BMP6: variants seen among roughly 807,000 people sequenced by gnomAD.
The protein encoded by BMP6 is bone morphogenetic protein 6.
A neutral mutation model predicts 54.1 loss-of-function variants in BMP6; 17 were observed. The observed-to-expected ratio is 0.31, with a 90% confidence interval of 0.22 to 0.47. BMP6 has a LOEUF of 0.47. Ranked by LOEUF, BMP6 falls within the 20% of genes least tolerant of loss-of-function variation. The pLI is 1.00. For missense variants in BMP6, 720 were observed against 690.4 expected, an observed-to-expected ratio of 1.04 and a Z score of -0.48; for synonymous variants, 328 against 291.2, an observed-to-expected ratio of 1.13 and a Z score of -1.28.
intron 1 of BMP6, among the ~76,000 whole-genome samples, chr6:7,798,645 C>G (rs1758225689): frequency 6.6e-6 from 1 of 152,202 alleles, no homozygotes; most frequent in African/African-American, 2.4e-5. Flanking sequence ...ATGTTCCTTC[C>G]ACACTCACTC....
At chr6:7,768,010 T>C (rs1450407174) in intron 1 of BMP6, among the ~76,000 whole-genome samples, 2 of 152,142 alleles carry the variant, frequency 1.3e-5, no homozygotes, top group Admixed American at 1.3e-4. Context: ...TCAGGTTTTT[T>C]TCTCCCCGCT....
intron 1 of BMP6, among the ~76,000 whole-genome samples, chr6:7,817,066 C>G (rs1468232358): frequency 6.6e-6 from 1 of 152,164 alleles, no homozygotes; most frequent in African/African-American, 2.4e-5. Flanking sequence ...CCAGTCCACT[C>G]GAGAGAAACC....
intron 1 of BMP6, among the ~76,000 whole-genome samples, chr6:7,732,916 A>G (rs1251150187): frequency 6.7e-6 from 1 of 149,240 alleles, no homozygotes; most frequent in Admixed American, 6.6e-5. Flanking sequence ...TTTTTTTTTA[A>G]GACAGTATCT....
intron 1 of BMP6, among the ~76,000 whole-genome samples, chr6:7,842,216 G>T (rs1758983529): frequency 6.6e-6 from 1 of 152,118 alleles, no homozygotes; most frequent in African/African-American, 2.4e-5. Flanking sequence ...GAATGACCAG[G>T]TTCAACTAGG....
chr6:7,792,811 G>T (rs933360639), intron 1 of BMP6, among the ~76,000 whole-genome samples: 1 of 152,198 alleles, frequency 6.6e-6, no homozygotes, highest in Non-Finnish European at 1.5e-5. Flanking sequence ...TCTTGATTCA[G>T]CCATAGCAGA....
At position 7,861,584 on chromosome 6, in the gene BMP6, G is replaced by A. The variant is rs781335360; in HGVS notation, c.991G>A (p.Val331Met). 1.9e-5 allele frequency: 31 copies of A among 1,614,036 alleles called. No individual in the cohort carries two copies. The highest frequency in any genetic ancestry group is 6.7e-5 in the Admixed American group (4 of 60,000). ...GCATAACATGGGGCTTCAGCTGAGCGTGGTGACAAGGGATGGTAAGTTATT... is the reference window on the plus strand; with the variant it reads ...GCATAACATGGGGCTTCAGCTGAGCATGGTGACAAGGGATGGTAAGTTATT... ...PQHNMGLQLS[V>M]VTRDGVHVHP... Residue 331 changes from valine (V) to methionine (M), a missense_variant, in exon 3 of 7, where the codon GTG (valine) becomes ATG (methionine). Val to Met is a conservative substitution (Grantham distance 21). Around this residue, in one of 3 missense-constraint regions of BMP6, gnomAD observed 650 missense variants for 556.3 expected, o/e 1.17. Transcript: ENST00000283147.
intron 4 of BMP6, among the ~76,000 whole-genome samples, chr6:7,866,275 G>A (rs564600959): frequency 1.3e-5 from 2 of 152,198 alleles, no homozygotes; most frequent in African/African-American, 2.4e-5. Context: ...GGTCCTAGCC[G>A]TCTTTGCCCC....
chr6:7,848,418 G>A (rs1759098346), intron 2 of BMP6, among the ~76,000 whole-genome samples: 1 of 152,072 alleles, frequency 6.6e-6, no homozygotes, highest in South Asian at 2.1e-4. Context: ...ATACCACCTG[G>A]TCCTGAGATT....
intron 2 of BMP6, among the ~76,000 whole-genome samples, chr6:7,848,036 C>G (rs576439242): frequency 1.3e-5 from 2 of 152,278 alleles, no homozygotes; most frequent in East Asian, 3.9e-4. Flanking sequence ...CAAGGGAAAT[C>G]TGACTTAACT....
chr6:7,754,935 A>T (rs1397063322), intron 1 of BMP6, among the ~76,000 whole-genome samples: 2 of 151,618 alleles, frequency 1.3e-5, no homozygotes, highest in Non-Finnish European at 2.9e-5. Context: ...CTCCAGGATG[A>T]TCTCCATCTC....
intron 1 of BMP6, among the ~76,000 whole-genome samples, chr6:7,833,250 A>G (rs145595086): frequency 6.6e-6 from 1 of 152,200 alleles, no homozygotes; most frequent in African/African-American, 2.4e-5. Flanking sequence ...AACACTTTCA[A>G]CGTGACTGAT....
At chr6:7,800,096 G>A (rs1309486867) in intron 1 of BMP6, among the ~76,000 whole-genome samples, 1 of 150,594 alleles carries the variant, frequency 6.6e-6, no homozygotes, top group African/African-American at 2.5e-5. Flanking sequence ...GTGTGTGTGT[G>A]TGTGTGTGTG....
chr6:7,848,694 AC>A (rs2113259068), intron 2 of BMP6, among the ~76,000 whole-genome samples: 2 of 152,314 alleles, frequency 1.3e-5, no homozygotes, highest in East Asian at 3.9e-4. Context: ...GGCAAGAAGA[AC>A]CCATCAGGCT....
intron 1 of BMP6, among the ~76,000 whole-genome samples, chr6:7,743,658 G>A (rs1255083489): frequency 6.6e-6 from 1 of 152,198 alleles, no homozygotes; most frequent in Non-Finnish European, 1.5e-5. Flanking sequence ...GCTGAACTCA[G>A]AATCAAAACT....
chr6:7,738,370 G>C (rs1189659880), intron 1 of BMP6, among the ~76,000 whole-genome samples: 1 of 152,164 alleles, frequency 6.6e-6, no homozygotes, highest in Non-Finnish European at 1.5e-5. Flanking sequence ...TGCGTTTCCA[G>C]CTGCTCTGCT....
At chr6:7,764,467 CTT>C (rs1008683455) in intron 1 of BMP6, among the ~76,000 whole-genome samples, 64 of 152,288 alleles carry the variant, frequency 4.2e-4, no homozygotes, top group African/African-American at 1.5e-3. Context: ...ACTCCTGTCT[CTT>C]TTCTCTCTCT....
chr6:7,878,299 G>T (rs913756599), intron 4 of BMP6, among the ~76,000 whole-genome samples: 1 of 152,204 alleles, frequency 6.6e-6, no homozygotes, highest in Non-Finnish European at 1.5e-5. Flanking sequence ...TCTATTGGCC[G>T]TGGTGCCAGG....
chr6:7,729,643 A>G (rs1761816227), intron 1 of BMP6, among the ~76,000 whole-genome samples: 1 of 152,134 alleles, frequency 6.6e-6, no homozygotes, highest in African/African-American at 2.4e-5. Context: ...GGTTTTTCTA[A>G]TATGCTACCG....
At chr6:7,797,947 T>C (rs550380987) in intron 1 of BMP6, among the ~76,000 whole-genome samples, 1 of 152,346 alleles carries the variant, frequency 6.6e-6, no homozygotes, top group South Asian at 2.1e-4. Context: ...GATGTATACG[T>C]TGATTTTTGT....
Sources: allele counts gnomAD v4.1 joint callset (sites outside exome capture counted in the v4.1 genomes callset), GRCh38; gene constraint gnomAD v4.1.1; regional missense constraint gnomAD v4.1.1; transcripts MANE v1.5; gene names NCBI Gene and HGNC (gene_info 2026-07-23, HGNC 2026-07-21).